Variants in AUTS2 observed in about 807,000 individuals in gnomAD.
The protein encoded by AUTS2 is autism susceptibility gene 2 protein.
In AUTS2, 17 loss-of-function variants were observed where a neutral mutation model predicts 112.4. The ratio of observed to expected loss-of-function variants is 0.15; its 90% CI spans 0.10 to 0.23. The LOEUF is 0.23. Ranked by LOEUF, AUTS2 falls within the 10% of genes least tolerant of loss-of-function variation. The pLI, the probability that AUTS2 is intolerant of heterozygous loss-of-function variation, is 1.00. For missense variants in AUTS2, 1,510 were observed against 1,701.6 expected, an observed-to-expected ratio of 0.89 and a Z score of 1.98; for synonymous variants, 751 against 702.7, an observed-to-expected ratio of 1.07 and a Z score of -1.09.
At chr7:70,354,154 G>T (rs1042508919) in intron 4 of AUTS2, among the ~76,000 whole-genome samples, 14 of 152,300 alleles carry the variant, frequency 9.2e-5, no homozygotes, top group Middle Eastern at 3.4e-3. Flanking sequence ...TCCCTGTCTG[G>T]CTTTCCTTGT....
chr7:70,215,361 C>G (rs1811116285), intron 4 of AUTS2, among the ~76,000 whole-genome samples: 1 of 152,164 alleles, frequency 6.6e-6, no homozygotes. Context: ...ACCTTGTCTG[C>G]TCCTGCATAT....
intron 2 of AUTS2, among the ~76,000 whole-genome samples, chr7:70,093,063 T>C (rs1303324520): frequency 1.3e-5 from 2 of 152,228 alleles, no homozygotes; most frequent in African/African-American, 4.8e-5. Context: ...TAAAAATTTC[T>C]TGTCCCTGGA....
At chr7:69,765,153 C>T (rs1450928495) in intron 1 of AUTS2, among the ~76,000 whole-genome samples, 4 of 152,138 alleles carry the variant, frequency 2.6e-5, no homozygotes, top group Admixed American at 6.5e-5. Context: ...CTCCACTGGG[C>T]GGATTACATG....
intron 7 of AUTS2, among the ~76,000 whole-genome samples, chr7:70,764,253 C>T (rs1266795908): frequency 6.6e-6 from 1 of 152,194 alleles, no homozygotes; most frequent in Non-Finnish European, 1.5e-5. Flanking sequence ...TTTCTGTGGC[C>T]TCCAGACCAT....
At chr7:69,914,824 C>T (rs956092985) in intron 2 of AUTS2, among the ~76,000 whole-genome samples, 3 of 151,962 alleles carry the variant, frequency 2.0e-5, no homozygotes, top group Non-Finnish European at 2.9e-5. Flanking sequence ...GCATGAATAG[C>T]GTGTCTTTTC....
intron 4 of AUTS2, among the ~76,000 whole-genome samples, chr7:70,381,801 A>T (rs2129632669): frequency 6.6e-6 from 1 of 152,244 alleles, no homozygotes; most frequent in South Asian, 2.1e-4. Context: ...CCTGCTAAAT[A>T]TTCTCAAGGG....
At chr7:69,796,431 G>A (rs1789843604) in intron 1 of AUTS2, among the ~76,000 whole-genome samples, 2 of 152,068 alleles carry the variant, frequency 1.3e-5, no homozygotes, top group South Asian at 4.1e-4. Context: ...GCTGAGGTGG[G>A]AGGCTCATTT....
intron 10 of AUTS2, among the ~76,000 whole-genome samples, chr7:70,768,657 C>T (rs34590018): frequency 5.3e-4 from 80 of 151,998 alleles, no homozygotes; most frequent in African/African-American, 1.8e-3. Flanking sequence ...AACTCATTCT[C>T]CTTTATTTAA....
intron 1 of AUTS2, among the ~76,000 whole-genome samples, chr7:69,755,309 C>T (rs1320017819): frequency 6.6e-6 from 1 of 152,156 alleles, no homozygotes; most frequent in African/African-American, 2.4e-5. Context: ...ACCGTGGTAT[C>T]TTGGGGTTAC....
At chr7:70,650,980 G>A (rs1388867453) in intron 5 of AUTS2, among the ~76,000 whole-genome samples, 1 of 152,214 alleles carries the variant, frequency 6.6e-6, no homozygotes, top group Non-Finnish European at 1.5e-5. Flanking sequence ...AGAGAGGAAG[G>A]AGGAGGAAGT....
intron 5 of AUTS2, among the ~76,000 whole-genome samples, chr7:70,609,962 G>T (rs1343309806): frequency 1.2e-3 from 27 of 21,660 alleles, no homozygotes; most frequent in Admixed American, 9.6e-3. Context: ...TCTGTTTTTT[G>T]TTGTTGTTGT....
intron 6 of AUTS2, among the ~76,000 whole-genome samples, chr7:70,712,113 T>A (rs1336323169): frequency 6.7e-6 from 1 of 150,148 alleles, no homozygotes; most frequent in East Asian, 2.0e-4. Context: ...CAACCTCCAC[T>A]TTCTGGCTCA....
At chr7:69,937,329 C>T (rs185733390) in intron 2 of AUTS2, among the ~76,000 whole-genome samples, 2 of 152,248 alleles carry the variant, frequency 1.3e-5, no homozygotes, top group Non-Finnish European at 2.9e-5. Flanking sequence ...CCGGATGAAG[C>T]CTTTTCCTGC....
At chr7:70,423,005 G>C (rs113469454) in intron 4 of AUTS2, among the ~76,000 whole-genome samples, 2 of 152,116 alleles carry the variant, frequency 1.3e-5, no homozygotes, top group Non-Finnish European at 2.9e-5. Flanking sequence ...AGCAAGATAT[G>C]AGCAAACTCT....
At chr7:69,968,442 A>G (rs1008444135) in intron 2 of AUTS2, among the ~76,000 whole-genome samples, 1 of 152,174 alleles carries the variant, frequency 6.6e-6, no homozygotes, top group African/African-American at 2.4e-5. Flanking sequence ...TTTCTAATAC[A>G]TCTTCACTTA....
At chr7:70,289,602 G>A (rs1788618273) in intron 4 of AUTS2, among the ~76,000 whole-genome samples, 2 of 152,196 alleles carry the variant, frequency 1.3e-5, no homozygotes, top group Non-Finnish European at 2.9e-5. Context: ...GGTTTATAGA[G>A]CTGTTAGGGT....
chr7:70,219,612 C>T (rs1182618561), intron 4 of AUTS2, among the ~76,000 whole-genome samples: 24 of 149,058 alleles, frequency 1.6e-4, no homozygotes, highest in African/African-American at 5.4e-4. Flanking sequence ...CGCTCTGTTG[C>T]CTAGGCTGGA....
intron 1 of AUTS2, among the ~76,000 whole-genome samples, chr7:69,779,838 T>C (rs1220583135): frequency 6.6e-6 from 1 of 151,990 alleles, no homozygotes. Context: ...TAGTCATAGC[T>C]ACCTGTGACT....
chr7:69,932,399 T>C (rs1187934475), intron 2 of AUTS2, among the ~76,000 whole-genome samples: 1 of 152,012 alleles, frequency 6.6e-6, no homozygotes, highest in East Asian at 1.9e-4. Context: ...AGGAGCGCTC[T>C]AAGAGGTGAG....
Sources: gnomAD v4.1 joint callset for allele counts (sites outside exome capture counted in the v4.1 genomes callset) on GRCh38, gnomAD v4.1.1 for gene constraint, MANE v1.5 for transcripts, NCBI Gene and HGNC (gene_info 2026-07-23, HGNC 2026-07-21) for gene names.